Variants in CREB5 observed in about 807,000 individuals in gnomAD.
The protein encoded by CREB5 is cAMP responsive element binding protein 5.
Under a neutral mutation model 57.1 loss-of-function variants are expected in CREB5, and 19 were observed. That is an observed-to-expected ratio of 0.33 (90% CI 0.23 to 0.49). CREB5 has a LOEUF of 0.49. CREB5 is among the 20% of genes least tolerant of loss of function. The pLI, the probability that CREB5 is intolerant of heterozygous loss-of-function variation, is 0.99. For missense variants in CREB5, 579 were observed against 671.6 expected (o/e 0.86, Z 1.52); for synonymous variants, 238 against 238.3 (o/e 1.00, Z 0.01).
At chr7:28,657,458 T>C (rs931752842) in intron 5 of CREB5, among the ~76,000 whole-genome samples, 2 of 152,128 alleles carry the variant, frequency 1.3e-5, no homozygotes, top group East Asian at 3.9e-4. Context: ...CAGCTGGACA[T>C]TGTGGCTCAT....
intron 1 of CREB5, among the ~76,000 whole-genome samples, chr7:28,400,485 T>C (rs750799968): frequency 2.6e-5 from 4 of 152,192 alleles, no homozygotes; most frequent in Non-Finnish European, 5.9e-5. Flanking sequence ...AACAGCACAA[T>C]GTCCCAGTGT....
rs1562797312 is a variant in CREB5 at position 28,560,863 on chromosome 7, TGCCTGCGTGCGCGTGCGTGC to T, written c.292-9500_292-9481del. 5.0e-4 allele frequency among the ~76,000 whole-genome samples: 12 copies of T among 24,212 alleles called. 1 individual carries two copies. The highest frequency in any genetic ancestry group is 5.0e-4 in the Non-Finnish European group (6 of 12,000). The allele number at this position is 24,212 out of a possible 152,430, so 15.9% of individuals were successfully genotyped here. The stretch of plus-strand genomic sequence containing the variant: ...GTGTGTGCGCGTGTGTGTGTGCGTG[TGCCTGCGTGCGCGTGCGTGC>T]GTGCGTGTGTGTGCGTGCGCGCGTG... On this transcript the variant is annotated intron_variant, in intron 4 of 10. Transcript: ENST00000357727.
At chr7:28,563,197 C>T (rs1330261334) in intron 4 of CREB5, among the ~76,000 whole-genome samples, 1 of 152,118 alleles carries the variant, frequency 6.6e-6, no homozygotes. Flanking sequence ...TCATGGGGAG[C>T]AGCCACCAGA....
intron 5 of CREB5, among the ~76,000 whole-genome samples, chr7:28,594,557 G>T (rs1045132167): frequency 6.6e-6 from 1 of 152,150 alleles, no homozygotes; most frequent in African/African-American, 2.4e-5. Context: ...GGCTCATTCT[G>T]CAGCATGCCT....
At position 28,821,597 on chromosome 7, in the gene CREB5, C is replaced by G. The variant is rs1221154770; in HGVS notation, c.*2318C>G. 2 of 151,608 alleles carry G rather than the reference C, an allele frequency of 1.3e-5. No homozygotes were observed. The highest frequency in any genetic ancestry group is 2.9e-5 in the Non-Finnish European group (2 of 67,902). The allele number at this position is 151,608 out of a possible 1,614,324, so 9.4% of individuals were successfully genotyped here. ...TTCATAGTTGTTGTTTTTTAAATTC[C>G]AACAGTAACAGCTGAATGGTTTAAT... On this transcript the variant is annotated 3_prime_UTR_variant, in exon 11 of 11. Transcript: ENST00000357727.
At position 28,667,408 on chromosome 7, in the gene CREB5, G is replaced by C. The variant is rs983369280; in HGVS notation, c.465-51345G>C. On this transcript the variant is annotated intron_variant, in intron 5 of 10. Transcript: ENST00000357727. ...AATTTTTAAAGATACAGAATATTTT[G>C]AGGTTTTGGAATAAAAAGCACTTGT... Among the ~76,000 whole-genome samples, 105 of 151,678 alleles carry C rather than the reference G, an allele frequency of 6.9e-4. 5 individuals carry two copies. Among genetic ancestry groups the C allele is most frequent in the Non-Finnish European group, 7.4e-5 (5 of 67,964 alleles).
In CREB5 at chr7:28,372,325, C is replaced by T. The variant is rs553636416; in HGVS notation, c.-25+72884C>T. On this transcript the variant is annotated intron_variant, in intron 1 of 9. Coordinates refer to the CREB5 transcript ENST00000396299. ...TTTTCCTGAATTTGGGGAGGGTTTC[C>T]CCTAGAAGGAGTGGCCAAGTAATAA... Among the ~76,000 whole-genome samples, 21 of 152,138 alleles carry T rather than the reference C, an allele frequency of 1.4e-4. No individual in the cohort carries two copies. In the South Asian group the frequency reaches 3.5e-3, roughly 26 times the overall value.
chr7:28,755,752 A>G (rs1805261444), intron 7 of CREB5, among the ~76,000 whole-genome samples: 1 of 152,214 alleles, frequency 6.6e-6, no homozygotes, highest in Non-Finnish European at 1.5e-5. Context: ...GCTGCTGAAC[A>G]TTGATCCTGA....
chr7:28,493,189 C>T (rs1026588751), intron 2 of CREB5, among the ~76,000 whole-genome samples: 4 of 152,154 alleles, frequency 2.6e-5, no homozygotes, highest in South Asian at 2.1e-4. Flanking sequence ...GTAATTAAAA[C>T]TTATATTGAC....
intron 5 of CREB5, among the ~76,000 whole-genome samples, chr7:28,573,031 G>A (rs758192756): frequency 2.2e-4 from 34 of 152,014 alleles, no homozygotes; most frequent in African/African-American, 7.5e-4. Context: ...ACATCTTGTC[G>A]TTTCCATTTT....
Position 28,516,541 on chromosome 7 carries a change from G to A in CREB5, c.291+8804G>A, listed in dbSNP as rs141169659. On this transcript the variant is annotated intron_variant, in intron 4 of 10. Transcript: ENST00000357727. ...CGCAGGCACCGCCCTCAGCTCAGCTGCAGCCTGTAAGGGCCACTTCTTTGG... is the reference window on the plus strand; with the variant it reads ...CGCAGGCACCGCCCTCAGCTCAGCTACAGCCTGTAAGGGCCACTTCTTTGG... 5.0e-3 allele frequency among the ~76,000 whole-genome samples: 755 copies of A among 152,324 alleles called. 10 individuals carry two copies. The highest frequency in any genetic ancestry group is 0.017 in the African/African-American group (711 of 41,582).
rs550351847 is a variant in CREB5, at chr7:28,480,640, C to T, written c.4-7535C>T. On this transcript the variant is annotated intron_variant, in intron 1 of 10. Coordinates refer to ENST00000357727, the MANE Select transcript of CREB5 (RefSeq NM_182898.4). ...AATTATTTGGTTACATTCAATATTTCCTTCAAAACCTAAGAATCTCTACAC... is the reference window on the plus strand; with the variant it reads ...AATTATTTGGTTACATTCAATATTTTCTTCAAAACCTAAGAATCTCTACAC... Among the ~76,000 whole-genome samples, 16 of 152,284 alleles carry T rather than the reference C, an allele frequency of 1.1e-4. No individual in the cohort carries two copies. The South Asian group carries it at 2.9e-3, about 28-fold the overall frequency.
At chr7:28,644,352 C>T (rs963952530) in intron 5 of CREB5, among the ~76,000 whole-genome samples, 3 of 152,068 alleles carry the variant, frequency 2.0e-5, no homozygotes, top group African/African-American at 7.2e-5. Context: ...TTCCCTATTC[C>T]ACAGTAGCAC....
intron 9 of CREB5, among the ~76,000 whole-genome samples, chr7:28,817,383 G>C (rs1378435487): frequency 6.6e-6 from 1 of 152,066 alleles, no homozygotes; most frequent in Non-Finnish European, 1.5e-5. Flanking sequence ...GAGATGGTGG[G>C]GAGAGCAGGG....
chr7:28,409,148 C>T (rs1022903654), upstream of CREB5, among the ~76,000 whole-genome samples: 1 of 151,644 alleles, frequency 6.6e-6, no homozygotes, highest in African/African-American at 2.4e-5. The surrounding 1 kb of genome is among the most constrained non-coding windows in gnomAD (Gnocchi z 4.4). Flanking sequence ...CAGTCGCCCC[C>T]GCCGCTGCCG....
At chr7:28,710,703 TTTATCA>T (rs1165528017) in intron 5 of CREB5, among the ~76,000 whole-genome samples, 1 of 152,194 alleles carries the variant, frequency 6.6e-6, no homozygotes, top group Non-Finnish European at 1.5e-5. Context: ...ACACATTTAA[TTTATCA>T]TTATATATAC....
At chr7:28,700,160 C>T (rs900777985) in intron 5 of CREB5, among the ~76,000 whole-genome samples, 13 of 152,086 alleles carry the variant, frequency 8.5e-5, no homozygotes, top group Non-Finnish European at 1.5e-5. Context: ...ATTTTAACAA[C>T]CTGCCTTGCA....
chr7:28,612,576 G>C (rs1797435337), intron 5 of CREB5, among the ~76,000 whole-genome samples: 1 of 151,456 alleles, frequency 6.6e-6, no homozygotes, highest in Admixed American at 6.6e-5. Context: ...GTGTGTGTGT[G>C]TGTGTGTGTG....
upstream of CREB5, chr7:28,409,409 C>T (rs1395438400): frequency 6.4e-6 from 1 of 156,058 alleles, no homozygotes; most frequent in Non-Finnish European, 1.4e-5. This position sits in a 1 kb window ranked among gnomAD's most constrained non-coding sequence, Gnocchi z 4.4. Flanking sequence ...CTCTTGCCTT[C>T]TCCACACTTG....
Sources: gnomAD v4.1 joint callset for allele counts (sites outside exome capture counted in the v4.1 genomes callset) on GRCh38, gnomAD v4.1.1 for gene constraint, Gnocchi (gnomAD v3.1) non-coding constraint, MANE v1.5 for transcripts, NCBI Gene and HGNC (gene_info 2026-07-23, HGNC 2026-07-21) for gene names.